UGGT2: variants seen among roughly 807,000 people sequenced by gnomAD.
UGGT2 encodes UDP-glucose:glycoprotein glucosyltransferase 2.
Under a neutral mutation model 192.1 loss-of-function variants are expected in UGGT2, and 180 were observed. The ratio of observed to expected loss-of-function variants is 0.94; its 90% CI spans 0.83 to 1.06. The LOEUF is 1.06. Ranked by LOEUF, UGGT2 falls within the 50% of genes least tolerant of loss-of-function variation. The pLI, the probability that UGGT2 is intolerant of heterozygous loss-of-function variation, is 0.00. For synonymous variants in UGGT2, 580 were observed against 591.0 expected (o/e 0.98, Z 0.27); for missense variants, 1,849 against 1,795.7 (o/e 1.03, Z -0.54).
chr13:95,847,852 G>A (rs778834585), intron 36 of UGGT2, among the ~76,000 whole-genome samples: 1 of 152,216 alleles, frequency 6.6e-6, no homozygotes, highest in South Asian at 2.1e-4. Flanking sequence ...TATGGTAAGA[G>A]TTTGTTTAGT....
Position 95,859,683 on chromosome 13 carries a change from AAAG to A in UGGT2, c.3741-11_3741-9del. 1 of 1,595,476 alleles carries A rather than the reference AAAG, an allele frequency of 6.3e-7. No individual in the cohort carries two copies. Among genetic ancestry groups the A allele is most frequent in the African/African-American group, 1.3e-5 (1 of 74,446 alleles). On this transcript the variant is annotated splice_polypyrimidine_tract_variant and intron_variant, in intron 32 of 38. Coordinates refer to ENST00000376747, the MANE Select transcript of UGGT2 (RefSeq NM_020121.4). Reference sequence around the variant, plus strand: ...ACAGAAAGCATCATAATTCTGTATAAAAGAATATTAAACCCAATATACATTAAC... The same window carrying A: ...ACAGAAAGCATCATAATTCTGTATAAAATATTAAACCCAATATACATTAAC...
chr13:95,835,130 C>A lies in UGGT2; in HGVS notation c.4401+1956G>T, dbSNP rs535095731. ...TTCAAAATCTGGTGTGTACTTTATACCTTACAGCACATCTCAATTCAGAAT... is the reference window on the plus strand; with the variant it reads ...TTCAAAATCTGGTGTGTACTTTATAACTTACAGCACATCTCAATTCAGAAT... On this transcript the variant is annotated intron_variant, in intron 37 of 38. Transcript: ENST00000376747. Among the ~76,000 whole-genome samples the A allele has an allele frequency of 1.3e-3, 197 of 152,136 alleles. 1 individual carries two copies. The highest frequency in any genetic ancestry group is 4.7e-3 in the African/African-American group (195 of 41,514).
chr13:95,942,451 A>G (rs2049723484), intron 15 of UGGT2, among the ~76,000 whole-genome samples: 1 of 152,112 alleles, frequency 6.6e-6, no homozygotes, highest in Non-Finnish European at 1.5e-5. Context: ...AATTCCTGCC[A>G]AATTACAGGG....
chr13:95,883,180 C>G (rs2047542491), intron 27 of UGGT2, among the ~76,000 whole-genome samples: 1 of 151,942 alleles, frequency 6.6e-6, no homozygotes, highest in Non-Finnish European at 1.5e-5. Flanking sequence ...ACGAGCCGAT[C>G]AAAATAAACT....
Position 95,877,733 on chromosome 13 carries a change from G to A in UGGT2, c.3352C>T (p.Pro1118Ser). The A allele has an allele frequency of 1.2e-6, 2 of 1,613,916 alleles. No homozygotes were observed. Among genetic ancestry groups the A allele is most frequent in the Non-Finnish European group, 1.7e-6 (2 of 1,179,940 alleles). ...LQFTLGTKNKPAVVDTIVMAH... is the reference protein window; with the variant it reads ...LQFTLGTKNKSAVVDTIVMAH... ...ATCACTATTGTATCAACCACAGCAG[G>A]TTTATTTTTTGTGCCTAGTGTGAAC... is the stretch of plus-strand genomic sequence containing the variant. Residue 1118 changes from proline (P) to serine (S), a missense_variant, in exon 28 of 39, where the codon CCT becomes TCT. By Grantham distance (74) the Pro-to-Ser change is moderately conservative. Transcript: ENST00000376747.
rs142552252 is a variant in UGGT2 at position 95,987,579 on chromosome 13, A to G, written c.932-1147T>C. ...AAAAAGGATCTAAAAATAATTGAAG[A>G]TACTAGAAAGAGACTATCTGAAATT... On this transcript the variant is annotated intron_variant, in intron 8 of 38. Transcript: ENST00000376747. Among the ~76,000 whole-genome samples, 535 of 152,326 alleles carry G rather than the reference A, an allele frequency of 3.5e-3. 4 individuals carry two copies. Among genetic ancestry groups the G allele is most frequent in the Non-Finnish European group, 6.4e-3 (434 of 68,022 alleles).
chr13:95,913,501 G>T (rs2048573789), intron 20 of UGGT2, among the ~76,000 whole-genome samples: 1 of 152,048 alleles, frequency 6.6e-6, no homozygotes, highest in African/African-American at 2.4e-5. Context: ...CTCATCACTG[G>T]TCATCAGAGA....
intron 27 of UGGT2, among the ~76,000 whole-genome samples, chr13:95,879,431 T>TTTAC: frequency 6.6e-6 from 1 of 152,314 alleles, no homozygotes; most frequent in Non-Finnish European, 1.5e-5. Context: ...AGCTCATTTA[T>TTTAC]TTATTTATTT....
intron 20 of UGGT2, among the ~76,000 whole-genome samples, chr13:95,909,199 T>G (rs552070428): frequency 6.6e-6 from 1 of 152,138 alleles, no homozygotes; most frequent in Non-Finnish European, 1.5e-5. Context: ...ATTTATTAAA[T>G]AGGGAATCCT....
Position 95,927,305 on chromosome 13 carries a change from T to G in UGGT2, c.2009A>C (p.Asp670Ala). The change falls in exon 18 of 39, where the codon GAT (aspartate) becomes GCT (alanine). Residue 670 changes from aspartate to alanine, a missense_variant. Transcript: ENST00000376747. ...AACATTATTCCTATCCATTAGAAAATCAATTGCATTCGTGCGATCATTTAA... is the reference window on the plus strand; with the variant it reads ...AACATTATTCCTATCCATTAGAAAAGCAATTGCATTCGTGCGATCATTTAA... ...GTLNDRTNAI[D>A]FLMDRNNVVP... 1 of 1,609,186 alleles carries G rather than the reference T, an allele frequency of 6.2e-7. No individual in the cohort carries two copies. Among genetic ancestry groups the G allele is most frequent in the South Asian group, 1.1e-5 (1 of 89,932 alleles).
At chr13:95,825,027 ACT>A (rs1200077231) in intron 38 of UGGT2, among the ~76,000 whole-genome samples, 2 of 151,676 alleles carry the variant, frequency 1.3e-5, no homozygotes, top group South Asian at 2.1e-4. Context: ...GGGAGTGAAG[ACT>A]CTATGAATTC....
chr13:95,837,000 C>T lies in UGGT2; in HGVS notation c.4401+86G>A, dbSNP rs1594109878. ...AGAAGAAGCGAAGTAATACGTATGC[C>T]ACTCCCTTTGTAAAACAGAAAGAAA... On this transcript the variant is annotated intron_variant, in intron 37 of 38. Coordinates refer to ENST00000376747, the MANE Select transcript of UGGT2 (RefSeq NM_020121.4). 6.9e-6 allele frequency: 7 copies of T among 1,017,536 alleles called. No homozygotes were observed. In the East Asian group the frequency reaches 1.4e-4, roughly 21 times the overall value. The allele number at this position is 1,017,536 out of a possible 1,614,324, so 63.0% of individuals were successfully genotyped here. A position where few individuals can be genotyped will look rare whatever the true frequency, so the allele number is the denominator to read the frequency against.
Position 95,967,530 on chromosome 13 carries a change from G to A in UGGT2, c.1335+2582C>T, listed in dbSNP as rs374454331. Among the ~76,000 whole-genome samples the A allele has an allele frequency of 1.7e-4, 24 of 144,590 alleles. 1 individual carries two copies. The South Asian group carries it at 5.0e-3, about 30-fold the overall frequency. 94.9% of individuals were successfully genotyped at this position (144,590 alleles called of 152,430 possible). A position where few individuals can be genotyped will look rare whatever the true frequency, so the allele number is the denominator to read the frequency against. Reference sequence around the variant, plus strand: ...GCTCTATCGCCCAGGCTGGAGTGCAGTAGGGCGATCCTGGCTCACTGCAAC... The same window carrying A: ...GCTCTATCGCCCAGGCTGGAGTGCAATAGGGCGATCCTGGCTCACTGCAAC... On this transcript the variant is annotated intron_variant, in intron 12 of 38. Coordinates refer to ENST00000376747, the MANE Select transcript of UGGT2 (RefSeq NM_020121.4).
chr13:95,857,691 T>A (rs1230906256), intron 33 of UGGT2, among the ~76,000 whole-genome samples: 2 of 152,148 alleles, frequency 1.3e-5, no homozygotes, highest in African/African-American at 4.8e-5. Context: ...ATATGTTATA[T>A]TTCACTAAGA....
intron 38 of UGGT2, among the ~76,000 whole-genome samples, chr13:95,817,326 T>C (rs1193651288): frequency 6.6e-6 from 1 of 152,206 alleles, no homozygotes; most frequent in African/African-American, 2.4e-5. Flanking sequence ...GCCTCAGGCC[T>C]GTAATCCCAG....
intron 26 of UGGT2, 33 bp from the exon 27 acceptor site, chr13:95,884,713 C>A: frequency 1.9e-6 from 3 of 1,540,854 alleles, no homozygotes; most frequent in South Asian, 2.6e-5. Flanking sequence ...CATAATGTGA[C>A]CAAAACTGAG....
At chr13:95,905,677 C>T (rs944011491) in intron 20 of UGGT2, among the ~76,000 whole-genome samples, 1 of 152,072 alleles carries the variant, frequency 6.6e-6, no homozygotes. Flanking sequence ...GGTACCAGTA[C>T]CATGCTGTTT....
chr13:95,932,307 TTA>T (rs1408097722), intron 17 of UGGT2, among the ~76,000 whole-genome samples: 15 of 107,270 alleles, frequency 1.4e-4, no homozygotes, highest in African/African-American at 5.1e-4. Flanking sequence ...CCTAGGTATT[TTA>T]TTTGTGTGTG....
chr13:95,953,005 A>C (rs1457524327), intron 12 of UGGT2, among the ~76,000 whole-genome samples: 2 of 152,226 alleles, frequency 1.3e-5, no homozygotes. Flanking sequence ...AAATTATTAT[A>C]CTTTAAGTTT....
Sources: gnomAD v4.1 joint callset for allele counts (sites outside exome capture counted in the v4.1 genomes callset) on GRCh38, gnomAD v4.1.1 for gene constraint, MANE v1.5 for transcripts, NCBI Gene and HGNC (gene_info 2026-07-23, HGNC 2026-07-21) for gene names.